CDC42BPB: variants seen among roughly 807,000 people sequenced by gnomAD.
CDC42BPB encodes CDC42 binding protein kinase beta.
CDC42BPB carries 37 observed loss-of-function variants against 214.9 expected under a neutral mutation model. The ratio of observed to expected loss-of-function variants is 0.17; its 90% CI spans 0.13 to 0.23. The LOEUF is 0.23. Among genes scored for constraint, CDC42BPB ranks in the 10% least tolerant of loss-of-function variants. The pLI, the probability that CDC42BPB is intolerant of heterozygous loss-of-function variation, is 1.00. For synonymous variants in CDC42BPB, 931 were observed against 884.0 expected (o/e 1.05, Z -0.94); for missense variants, 1,694 against 2,227.0 (o/e 0.76, Z 4.82).
chr14:102,951,034 A>G (rs1200795684), intron 24 of CDC42BPB, among the ~76,000 whole-genome samples: 2 of 152,202 alleles, frequency 1.3e-5, no homozygotes, highest in African/African-American at 4.8e-5. Flanking sequence ...CAGACACCCA[A>G]AAAGGTAAGA....
chr14:103,030,601 C>A (rs543724390), intron 1 of CDC42BPB, among the ~76,000 whole-genome samples: 1 of 152,116 alleles, frequency 6.6e-6, no homozygotes, highest in African/African-American at 2.4e-5. Flanking sequence ...GCGGCTGAGG[C>A]GGGAGGATCA....
intron 19 of CDC42BPB, among the ~76,000 whole-genome samples, chr14:102,963,796 G>GA (rs1251176614): frequency 3.3e-5 from 5 of 152,332 alleles, no homozygotes; most frequent in Admixed American, 2.6e-4. Flanking sequence ...CCAGTATAAA[G>GA]AAAGTCAATT....
At position 103,022,968 on chromosome 14, in the gene CDC42BPB, A is replaced by G. The variant is rs74564248; in HGVS notation, c.176-10780T>C. ...AACTGTTCATTTACACACCATGAAAAAAGCAGCAACCCACAGATATAGCTA... is the reference window on the plus strand; with the variant it reads ...AACTGTTCATTTACACACCATGAAAGAAGCAGCAACCCACAGATATAGCTA... On this transcript the variant is annotated intron_variant, in intron 1 of 36. Coordinates refer to ENST00000361246, the MANE Select transcript of CDC42BPB (RefSeq NM_006035.4). Among the ~76,000 whole-genome samples, 72 of 152,054 alleles carry G rather than the reference A, an allele frequency of 4.7e-4. 1 individual carries two copies. In the East Asian group the frequency reaches 0.01, roughly 22 times the overall value.
intron 1 of CDC42BPB, among the ~76,000 whole-genome samples, chr14:103,023,611 T>C (rs532803133): frequency 1.2e-3 from 183 of 152,348 alleles, no homozygotes; most frequent in African/African-American, 4.3e-3. Flanking sequence ...CTGATCCTAA[T>C]TGTTTTTTCT....
chr14:103,008,171 G>T (rs541264346), intron 3 of CDC42BPB, among the ~76,000 whole-genome samples: 3 of 152,218 alleles, frequency 2.0e-5, no homozygotes, highest in Non-Finnish European at 4.4e-5. Context: ...GAGCAGAACT[G>T]CAATCAATGC....
intron 1 of CDC42BPB, among the ~76,000 whole-genome samples, chr14:103,054,960 G>A (rs984276460): frequency 2.0e-5 from 3 of 152,348 alleles, no homozygotes; most frequent in East Asian, 1.9e-4. Context: ...CAGGGCCCCC[G>A]CCCTCAGACT....
chr14:102,996,108 G>A (rs1484900967), intron 5 of CDC42BPB, among the ~76,000 whole-genome samples: 1 of 152,230 alleles, frequency 6.6e-6, no homozygotes, highest in Non-Finnish European at 1.5e-5. Flanking sequence ...GGGAGGCCGA[G>A]GCGGGCGGAT....
chr14:102,933,999 G>A (rs1205297903), intron 36 of CDC42BPB, 156 bp from the exon 37 acceptor site: 11 of 1,377,864 alleles, frequency 8.0e-6, no homozygotes, highest in South Asian at 1.8e-5. Context: ...CCAGCGATTC[G>A]TGGGGCCCTT....
At chr14:102,940,437 C>T in intron 30 of CDC42BPB, 113 bp from the exon 31 acceptor site, 1 of 1,508,366 alleles carries the variant, frequency 6.6e-7, no homozygotes, top group East Asian at 2.5e-5. Context: ...GCAGCACTGC[C>T]CTCAGCTGGT....
At chr14:102,959,834 C>T (rs1319316367) in intron 20 of CDC42BPB, 124 bp from the exon 21 acceptor site, 1 of 334,214 alleles carries the variant, frequency 3.0e-6, no homozygotes, top group East Asian at 1.7e-4. Flanking sequence ...GACATGATCA[C>T]AATTAAAAAA....
rs1891506186 is a variant in CDC42BPB at position 102,933,821 on chromosome 14, T to C, written c.5027A>G (p.His1676Arg). Reference protein sequence around the residue: ...DKEPDSDSTKHSTPSNSSNPS... With the variant: ...DKEPDSDSTKRSTPSNSSNPS... ...GTTGGAGCTATTCGATGGAGTTGAG[T>C]GTTTGGTGGAGTCCGAATCAGGCTG... is the stretch of plus-strand genomic sequence containing the variant. Residue 1676 changes from histidine to arginine, a missense_variant, in exon 37 of 37, where the codon CAC (histidine) becomes CGC (arginine). His to Arg is a conservative substitution (Grantham distance 29, BLOSUM62 0). Transcript: ENST00000361246. 6.6e-7 allele frequency: 1 copy of C among 1,518,458 alleles called. No individual in the cohort carries two copies. Among genetic ancestry groups the C allele is most frequent in the Non-Finnish European group, 8.8e-7 (1 of 1,141,468 alleles). The allele number at this position is 1,518,458 out of a possible 1,614,324, so 94.1% of individuals were successfully genotyped here.
intron 22 of CDC42BPB, 102 bp downstream of exon 22, chr14:102,954,500 T>G (rs1365481372): frequency 7.3e-7 from 1 of 1,375,526 alleles, no homozygotes; most frequent in Non-Finnish European, 9.8e-7. Flanking sequence ...GCAGAGGCCC[T>G]CGCTGCAAAC....
intron 1 of CDC42BPB, among the ~76,000 whole-genome samples, chr14:103,012,878 G>T (rs191901404): frequency 1.3e-5 from 2 of 152,294 alleles, no homozygotes; most frequent in African/African-American, 2.4e-5. Flanking sequence ...CGGAACTGTC[G>T]CACGCTGCAC....
intron 22 of CDC42BPB, 33 bp downstream of exon 22, chr14:102,954,569 G>T (rs775704298): frequency 3.2e-6 from 5 of 1,584,190 alleles, no homozygotes; most frequent in Non-Finnish European, 4.3e-6. Flanking sequence ...GCAGACCCCA[G>T]GTGGGAGCAT....
intron 12 of CDC42BPB, among the ~76,000 whole-genome samples, chr14:102,972,947 C>G (rs980998629): frequency 6.6e-6 from 1 of 152,202 alleles, no homozygotes; most frequent in Non-Finnish European, 1.5e-5. Flanking sequence ...TGTATAAAAA[C>G]AATCGCTGGA....
At chr14:102,955,179 T>C (rs917587848) in intron 21 of CDC42BPB, among the ~76,000 whole-genome samples, 2 of 152,124 alleles carry the variant, frequency 1.3e-5, no homozygotes, top group African/African-American at 4.8e-5. Flanking sequence ...TCCCAGCAAT[T>C]TGGGAGGCTG....
chr14:103,014,240 A>C (rs1464573673), intron 1 of CDC42BPB, among the ~76,000 whole-genome samples: 2 of 151,490 alleles, frequency 1.3e-5, no homozygotes, highest in African/African-American at 4.8e-5. Context: ...GCACAAGGCA[A>C]GGCCAGGACT....
At chr14:102,970,444 T>C (rs896524451) in intron 13 of CDC42BPB, 183 bp from the exon 14 acceptor site, 21 of 896,570 alleles carry the variant, frequency 2.3e-5, no homozygotes, top group African/African-American at 7.2e-5. Context: ...ACTGGGATGG[T>C]TGGTTACTAA....
chr14:102,995,287 G>A (rs1418823961), intron 5 of CDC42BPB, among the ~76,000 whole-genome samples: 1 of 151,722 alleles, frequency 6.6e-6, no homozygotes. Context: ...CAGTCCTCCT[G>A]CCCCAGCCTC....
Sources: gnomAD v4.1 joint callset for allele counts (sites outside exome capture counted in the v4.1 genomes callset) on GRCh38, gnomAD v4.1.1 for gene constraint, MANE v1.5 for transcripts, NCBI Gene and HGNC (gene_info 2026-07-23, HGNC 2026-07-21) for gene names.